The following TANC2 variants were observed in gnomAD, a reference collection of about 807,000 sequenced individuals.
The protein encoded by TANC2 is protein TANC2.
Under a neutral mutation model 210.5 loss-of-function variants are expected in TANC2, and 26 were observed. The observed-to-expected ratio is 0.12, with a 90% CI of 0.09 to 0.17. TANC2 has a LOEUF of 0.17. Ranked by LOEUF, TANC2 falls within the 10% of genes least tolerant of loss-of-function variation. The pLI is 1.00. For synonymous variants in TANC2, 931 were observed against 967.1 expected, an observed-to-expected ratio of 0.96 and a Z score of 0.69; for missense variants, 2,129 against 2,608.9, an observed-to-expected ratio of 0.82 and a Z score of 4.01.
chr17:63,138,387 A>G (rs1319511582), intron 4 of TANC2, among the ~76,000 whole-genome samples: 6 of 152,196 alleles, frequency 3.9e-5, no homozygotes, highest in Non-Finnish European at 8.8e-5. Context: ...TTGTGAGAGG[A>G]CCATAATTTT....
At chr17:63,049,418 G>C (rs947391529) in intron 2 of TANC2, among the ~76,000 whole-genome samples, 2 of 152,256 alleles carry the variant, frequency 1.3e-5, no homozygotes, top group South Asian at 2.1e-4. Context: ...AGGCATGATT[G>C]GGGGGACAGT....
intron 5 of TANC2, among the ~76,000 whole-genome samples, chr17:63,188,291 C>A (rs563295721): frequency 7.4e-6 from 1 of 135,776 alleles, no homozygotes; most frequent in East Asian, 2.0e-4. Flanking sequence ...AAGCTGAGAC[C>A]CCATCTCTTA....
chr17:63,415,898 G>C (rs750089185), intron 26 of TANC2, among the ~76,000 whole-genome samples: 4 of 152,126 alleles, frequency 2.6e-5, no homozygotes, highest in Non-Finnish European at 5.9e-5. Flanking sequence ...GCAGCTTTCT[G>C]AATGTTCATA....
At chr17:63,363,161 T>G (rs1368120798) in intron 14 of TANC2, among the ~76,000 whole-genome samples, 1 of 152,244 alleles carries the variant, frequency 6.6e-6, no homozygotes, top group Non-Finnish European at 1.5e-5. Flanking sequence ...TGTCTTCTTT[T>G]GAGAAATGTC....
intron 3 of TANC2, among the ~76,000 whole-genome samples, chr17:63,075,811 G>A (rs913176470): frequency 2.0e-5 from 3 of 152,024 alleles, no homozygotes; most frequent in Non-Finnish European, 4.4e-5. Context: ...GAGCCACCGC[G>A]CCTGGCCAGA....
chr17:63,361,507 CAT>C (rs1374466995), intron 14 of TANC2, among the ~76,000 whole-genome samples: 1 of 152,242 alleles, frequency 6.6e-6, no homozygotes, highest in Non-Finnish European at 1.5e-5. Flanking sequence ...TTGTACCAAA[CAT>C]ATTGCACGCA....
intron 4 of TANC2, among the ~76,000 whole-genome samples, chr17:63,129,544 C>G (rs1180869045): frequency 1.3e-5 from 2 of 151,936 alleles, no homozygotes; most frequent in African/African-American, 4.8e-5. Context: ...ATGATGAAAC[C>G]CCATCTCTAC....
At chr17:63,033,704 T>C (rs746405431) in intron 2 of TANC2, among the ~76,000 whole-genome samples, 1 of 151,950 alleles carries the variant, frequency 6.6e-6, no homozygotes, top group Non-Finnish European at 1.5e-5. Flanking sequence ...TGCTCTTCAT[T>C]TGAGGTTTGG....
intron 18 of TANC2, among the ~76,000 whole-genome samples, chr17:63,397,168 G>A (rs995376890): frequency 2.0e-5 from 3 of 151,956 alleles, no homozygotes; most frequent in Non-Finnish European, 4.4e-5. Context: ...CCAGCTACTC[G>A]GGAGGCTGAG....
chr17:63,255,596 G>T (rs923504853), intron 8 of TANC2, among the ~76,000 whole-genome samples: 1 of 152,004 alleles, frequency 6.6e-6, no homozygotes, highest in Non-Finnish European at 1.5e-5. Context: ...CAATTGATTG[G>T]TATATAGTTG....
chr17:63,200,386 A>G (rs2041492903), intron 6 of TANC2, among the ~76,000 whole-genome samples: 1 of 151,594 alleles, frequency 6.6e-6, no homozygotes, highest in Non-Finnish European at 1.5e-5. Context: ...AGAAAGAAAG[A>G]AAGAAAATTA....
At chr17:63,375,076 G>A (rs926621216) in intron 14 of TANC2, among the ~76,000 whole-genome samples, 2 of 152,166 alleles carry the variant, frequency 1.3e-5, no homozygotes, top group Admixed American at 6.6e-5. Context: ...TGATAGTGAT[G>A]GAGGTGGAGA....
At chr17:63,104,986 G>A (rs1018901586) in intron 4 of TANC2, among the ~76,000 whole-genome samples, 16 of 151,618 alleles carry the variant, frequency 1.1e-4, no homozygotes, top group Non-Finnish European at 5.9e-5. Context: ...GTAAGACAGC[G>A]TCTGGCATAG....
chr17:63,087,648 C>T (rs543529722), intron 3 of TANC2, among the ~76,000 whole-genome samples: 1 of 152,288 alleles, frequency 6.6e-6, no homozygotes, highest in East Asian at 1.9e-4. Flanking sequence ...TCAATACTGA[C>T]TGAGAGTCTC....
chr17:63,033,977 A>G (rs984994643), intron 2 of TANC2, among the ~76,000 whole-genome samples: 1 of 152,120 alleles, frequency 6.6e-6, no homozygotes, highest in Non-Finnish European at 1.5e-5. Context: ...AGCATACATC[A>G]CCTTACAGGT....
intron 4 of TANC2, among the ~76,000 whole-genome samples, chr17:63,103,751 G>A (rs17682747): frequency 0.22 from 33,390 of 152,072 alleles, 3,784 homozygotes; most frequent in Middle Eastern, 0.27. Context: ...GAACTTTAAA[G>A]CTTCATATGT....
chr17:63,410,805 G>C (rs2048672916), intron 21 of TANC2, among the ~76,000 whole-genome samples: 1 of 130,320 alleles, frequency 7.7e-6, no homozygotes. Context: ...AGGTTGCAGT[G>C]AGCCAAGATT....
At chr17:63,207,241 A>G (rs1255746384) in intron 7 of TANC2, among the ~76,000 whole-genome samples, 3 of 119,782 alleles carry the variant, frequency 2.5e-5, no homozygotes, top group African/African-American at 3.3e-5. Flanking sequence ...TTTGAGACAG[A>G]GTCTCGCACT....
At chr17:63,209,852 C>T (rs1598613172) in intron 7 of TANC2, among the ~76,000 whole-genome samples, 2 of 152,072 alleles carry the variant, frequency 1.3e-5, no homozygotes, top group South Asian at 2.1e-4. Context: ...TAACCATAAA[C>T]GAATATTAAT....
Sources: gnomAD v4.1 joint callset for allele counts (sites outside exome capture counted in the v4.1 genomes callset) on GRCh38, gnomAD v4.1.1 for gene constraint, MANE v1.5 for transcripts, NCBI Gene and HGNC (gene_info 2026-07-23, HGNC 2026-07-21) for gene names.